PARD3B: variants seen among roughly 807,000 people sequenced by gnomAD.
The protein encoded by PARD3B is partitioning defective 3 homolog B.
PARD3B carries 103 observed loss-of-function variants against 130.2 expected under a neutral mutation model. The ratio of observed to expected loss-of-function variants is 0.79; its 90% CI spans 0.67 to 0.93. The LOEUF is 0.93. PARD3B is among the 40% of genes least tolerant of loss of function. PARD3B has a pLI of 0.00. For missense variants in PARD3B, 1,609 were observed against 1,499.2 expected (o/e 1.07, Z -1.21); for synonymous variants, 583 against 553.2 (o/e 1.05, Z -0.76).
At chr2:205,181,341 G>C (rs530044269) in intron 13 of PARD3B, among the ~76,000 whole-genome samples, 1 of 152,166 alleles carries the variant, frequency 6.6e-6, no homozygotes, top group Non-Finnish European at 1.5e-5. Context: ...TGAATTATAC[G>C]TTTCAATTTG....
rs2040627838 is a variant in PARD3B, at chr2:205,269,299, T to C, written c.2185+23477T>C. Among the ~76,000 whole-genome samples the C allele has an allele frequency of 6.6e-6, 1 of 152,182 alleles. No homozygotes were observed. On this transcript the variant is annotated intron_variant, in intron 16 of 22. Transcript: ENST00000406610. This position sits in a 1 kb window ranked among gnomAD's most constrained non-coding sequence, Gnocchi z 4.7. Reference sequence around the variant, plus strand: ...CAAAACTTTTTGGTACTTAATCCTATAAAAATAATGACATACTCTTATAAT... The same window carrying C: ...CAAAACTTTTTGGTACTTAATCCTACAAAAATAATGACATACTCTTATAAT...
rs1379965342 is a variant in PARD3B at position 205,288,161 on chromosome 2, A to G, written c.2186-12369A>G. Among the ~76,000 whole-genome samples the G allele has an allele frequency of 8.5e-5, 13 of 152,266 alleles. No individual in the cohort carries two copies. Among genetic ancestry groups the G allele is most frequent in the Non-Finnish European group, 1.0e-4 (7 of 68,016 alleles). ...ATGACAGTCACAATGAAGCCATGCC[A>G]GGAGGAAGCCTAGGGGTAGCAGGCA... On this transcript the variant is annotated intron_variant, in intron 16 of 22. Transcript: ENST00000406610. The surrounding 1 kb of genome is among the most constrained non-coding windows in gnomAD (Gnocchi z 4.0).
At chr2:204,971,813 T>G (rs903771674) in intron 3 of PARD3B, among the ~76,000 whole-genome samples, 1 of 151,118 alleles carries the variant, frequency 6.6e-6, no homozygotes, top group Non-Finnish European at 1.5e-5. Flanking sequence ...ACCACTCTTT[T>G]GCTACTGTTG....
Position 205,193,218 on chromosome 2 carries a change from T to A in PARD3B, c.2038T>A (p.Ser680Thr). The A allele has an allele frequency of 1.2e-6, 2 of 1,609,096 alleles. No homozygotes were observed. The highest frequency in any genetic ancestry group is 1.7e-4 in the Middle Eastern group (1 of 6,054). The change falls in exon 15 of 23, where the codon TCA becomes ACA. Residue 680 changes from serine (S) to threonine (T), a missense_variant. Transcript: ENST00000406610. ...TTCCTTCCACAGCTCTGGGGTGGAT[T>A]CAGCAGTATATTTTCCAGATCAGCA... ...EDYSHSSGVD[S>T]AVYFPDQHIN...
At chr2:205,317,870 G>A (rs532806449) in intron 18 of PARD3B, among the ~76,000 whole-genome samples, 2 of 152,224 alleles carry the variant, frequency 1.3e-5, no homozygotes, top group East Asian at 1.9e-4. Flanking sequence ...TTGAGCTGCT[G>A]TCTGTTCTCC....
chr2:205,160,544 G>A lies in PARD3B; in HGVS notation c.1620+1637G>A, dbSNP rs1238677752. On this transcript the variant is annotated intron_variant, in intron 11 of 22. Transcript: ENST00000406610. The surrounding 1 kb of genome is among the most constrained non-coding windows in gnomAD (Gnocchi z 4.0). ...GCAGTAGAAAACACACTCCAGCCAC[G>A]ATGAAGTTATGGCAAAGATGTAGAT... is the stretch of plus-strand genomic sequence containing the variant. 1.3e-5 allele frequency among the ~76,000 whole-genome samples: 2 copies of A among 152,158 alleles called. No individual in the cohort carries two copies. Among genetic ancestry groups the A allele is most frequent in the African/African-American group, 2.4e-5 (1 of 41,422 alleles).
chr2:205,526,758 T>A (rs776776230), intron 21 of PARD3B, among the ~76,000 whole-genome samples: 4 of 152,206 alleles, frequency 2.6e-5, no homozygotes, highest in Non-Finnish European at 5.9e-5. Flanking sequence ...TAGTAATTAT[T>A]GCATTTTTGT....
rs987476504 is a variant in PARD3B, at chr2:205,036,201, G to A, written c.395-11380G>A. 7.7e-4 allele frequency among the ~76,000 whole-genome samples: 110 copies of A among 142,122 alleles called. 1 individual carries two copies. The highest frequency in any genetic ancestry group is 1.5e-3 in the Non-Finnish European group (98 of 66,084). 93.2% of individuals were successfully genotyped at this position (142,122 alleles called of 152,430 possible). ...TATATATACAAAATAAGTATATAGT[G>A]GACTATATATATAAAATATGTATAT... is the stretch of plus-strand genomic sequence containing the variant. On this transcript the variant is annotated intron_variant, in intron 3 of 22. Coordinates refer to ENST00000406610, the MANE Select transcript of PARD3B (RefSeq NM_001302769.2).
At chr2:204,833,929 T>C (rs1559182570) in intron 2 of PARD3B, among the ~76,000 whole-genome samples, 1 of 152,092 alleles carries the variant, frequency 6.6e-6, no homozygotes, top group African/African-American at 2.4e-5. Flanking sequence ...AATTCATCCC[T>C]GCCATTCTTC....
At chr2:205,132,618 C>T (rs1473235602) in intron 10 of PARD3B, among the ~76,000 whole-genome samples, 6 of 152,120 alleles carry the variant, frequency 3.9e-5, no homozygotes, top group African/African-American at 1.4e-4. Flanking sequence ...TCAGCATGCG[C>T]CCGAATCACA....
chr2:205,587,737 G>A (rs1367161711), intron 22 of PARD3B, among the ~76,000 whole-genome samples: 2 of 152,092 alleles, frequency 1.3e-5, no homozygotes, highest in African/African-American at 4.8e-5. Flanking sequence ...CCTGACAAAC[G>A]GTGAGAAAAT....
rs1559512069 is a variant in PARD3B, at chr2:205,176,650, A to AAAAAAG, written c.1924+78_1924+79insGAAAAA. 6.7e-4 allele frequency: 952 copies of AAAAAAG among 1,418,914 alleles called. No homozygotes were observed. The highest frequency in any genetic ancestry group is 7.2e-4 in the Non-Finnish European group (764 of 1,061,590). The allele number at this position is 1,418,914 out of a possible 1,614,324, so 87.9% of individuals were successfully genotyped here. On this transcript the variant is annotated intron_variant, in intron 13 of 22. Transcript: ENST00000406610. The surrounding 1 kb of genome is among the most constrained non-coding windows in gnomAD (Gnocchi z 5.3). ...AAAAGTGTCTTTTTATCTAAAAAAA[A>AAAAAAG]AAAAAAAGAGTAAAGGGGAGTTAAT...
chr2:204,669,644 CT>C lies in PARD3B; in HGVS notation c.121-16536del, dbSNP rs2036195511. ...TCCTTGGTTGCAATAAATGTCCATACTGTCTATTGGTTTTCAACTTTTGGAA... is the reference window on the plus strand; with the variant it reads ...TCCTTGGTTGCAATAAATGTCCATACGTCTATTGGTTTTCAACTTTTGGAA... On this transcript the variant is annotated intron_variant, in intron 1 of 22. Transcript: ENST00000406610. The surrounding 1 kb of genome is among the most constrained non-coding windows in gnomAD (Gnocchi z 4.3). Among the ~76,000 whole-genome samples the C allele has an allele frequency of 6.6e-6, 1 of 152,148 alleles. No homozygotes were observed. The highest frequency in any genetic ancestry group is 1.5e-5 in the Non-Finnish European group (1 of 68,022).
chr2:205,403,389 G>A lies in PARD3B; in HGVS notation c.2741+2266G>A, dbSNP rs990501516. Among the ~76,000 whole-genome samples the A allele has an allele frequency of 3.9e-5, 6 of 152,248 alleles. No homozygotes were observed. In the East Asian group the frequency reaches 9.6e-4, roughly 24 times the overall value. On this transcript the variant is annotated intron_variant, in intron 19 of 22. Coordinates refer to ENST00000406610, the MANE Select transcript of PARD3B (RefSeq NM_001302769.2). ...CTGGCTGATAAGCCATTGGCAGTTC[G>A]ACATTGGCTATAGTGAGTATATTTA...
chr2:205,339,998 G>T (rs79169455), intron 18 of PARD3B, among the ~76,000 whole-genome samples: 1 of 152,082 alleles, frequency 6.6e-6, no homozygotes, highest in African/African-American at 2.4e-5. Context: ...AAACAATTAT[G>T]TGTGTCCTAA....
At chr2:204,734,693 A>G (rs73060908) in intron 2 of PARD3B, among the ~76,000 whole-genome samples, 2 of 152,288 alleles carry the variant, frequency 1.3e-5, no homozygotes, top group East Asian at 3.9e-4. Flanking sequence ...TGAAATTCTT[A>G]AAGAGCAAAA....
intron 1 of PARD3B, among the ~76,000 whole-genome samples, chr2:204,644,211 C>T (rs779144236): frequency 6.6e-6 from 1 of 152,036 alleles, no homozygotes; most frequent in Admixed American, 6.6e-5. Flanking sequence ...TGAAATTATG[C>T]TTCCTGTTAT....
intron 2 of PARD3B, among the ~76,000 whole-genome samples, chr2:204,842,969 T>G (rs1359531342): frequency 6.6e-6 from 1 of 152,136 alleles, no homozygotes; most frequent in Non-Finnish European, 1.5e-5. Context: ...TCGCAAGATC[T>G]GCAGTTCTCA....
At chr2:205,453,444 G>A (rs1387305065) in intron 20 of PARD3B, among the ~76,000 whole-genome samples, 5 of 152,154 alleles carry the variant, frequency 3.3e-5, no homozygotes, top group African/African-American at 7.2e-5. Context: ...TTAGCCCAAG[G>A]CAATGGGGAA....
Sources: gnomAD v4.1 joint callset for allele counts (sites outside exome capture counted in the v4.1 genomes callset) on GRCh38, gnomAD v4.1.1 for gene constraint, Gnocchi (gnomAD v3.1) non-coding constraint, MANE v1.5 for transcripts, NCBI Gene and HGNC (gene_info 2026-07-23, HGNC 2026-07-21) for gene names.